Variants in CWF19L2 observed in about 807,000 individuals in gnomAD.
CWF19L2 encodes CWF19-like protein 2.
A neutral mutation model predicts 111.7 loss-of-function variants in CWF19L2; 98 were observed. That is an observed-to-expected ratio of 0.88 (90% CI 0.75 to 1.04). CWF19L2 has a LOEUF of 1.04. Among genes scored for constraint, CWF19L2 ranks in the 50% least tolerant of loss-of-function variants. The probability of loss-of-function intolerance (pLI) is 0.00; values close to 1 mark genes in which losing one functional copy is unlikely to be tolerated. For synonymous variants in CWF19L2, 351 were observed against 342.9 expected (o/e 1.02, Z -0.26); for missense variants, 1,101 against 1,051.4 (o/e 1.05, Z -0.65).
chr11:107,379,890 T>A (rs964545198), intron 12 of CWF19L2, among the ~76,000 whole-genome samples: 2 of 151,514 alleles, frequency 1.3e-5, no homozygotes, highest in African/African-American at 2.4e-5. Context: ...AAACCCCATC[T>A]CTACTAAAAA....
chr11:107,442,864 G>A, intron 4 of CWF19L2, 75 bp downstream of exon 4: 1 of 781,832 alleles, frequency 1.3e-6, no homozygotes, highest in Non-Finnish European at 2.1e-6. Flanking sequence ...GGGATAGAGA[G>A]GGAAGGAGGG....
At chr11:107,417,908 C>T (rs1417441691) in intron 9 of CWF19L2, among the ~76,000 whole-genome samples, 1 of 151,990 alleles carries the variant, frequency 6.6e-6, no homozygotes, top group Non-Finnish European at 1.5e-5. Context: ...TACAGGCATG[C>T]GCCACCACAC....
intron 10 of CWF19L2, among the ~76,000 whole-genome samples, chr11:107,413,813 G>C (rs1462780201): frequency 1.3e-5 from 2 of 152,164 alleles, no homozygotes; most frequent in Admixed American, 6.5e-5. Flanking sequence ...ATGTTAGCCT[G>C]AAGAAAATTC....
Position 107,454,554 on chromosome 11 carries a change from T to C in CWF19L2, c.235A>G (p.Lys79Glu), listed in dbSNP as rs1476889765. 2.1e-6 allele frequency: 3 copies of C among 1,456,202 alleles called. No individual in the cohort carries two copies. The highest frequency in any genetic ancestry group is 2.7e-6 in the Non-Finnish European group (3 of 1,110,476). The allele number at this position is 1,456,202 out of a possible 1,614,324, so 90.2% of individuals were successfully genotyped here. Residue 79 changes from lysine to glutamate, a missense_variant, in exon 3 of 18, where the codon AAG becomes GAG. Physicochemically the swap from Lys to Glu is moderately conservative, Grantham distance 56. Transcript: ENST00000282251. ...QFSQEHSVKK[K>E]KKKDKHSKKA... ...TTTGAATGCTTGTCTTTTTTCTTCT[T>C]TTTCTTCACAGAGTGTTCCTACAAT...
intron 12 of CWF19L2, among the ~76,000 whole-genome samples, chr11:107,360,863 G>C (rs1860318926): frequency 6.6e-6 from 1 of 152,114 alleles, no homozygotes; most frequent in South Asian, 2.1e-4. Flanking sequence ...TGAGTTCCTT[G>C]TATATTCTTG....
intron 7 of CWF19L2, among the ~76,000 whole-genome samples, chr11:107,430,702 A>AG (rs1861453582): frequency 6.6e-6 from 1 of 152,160 alleles, no homozygotes; most frequent in Non-Finnish European, 1.5e-5. Flanking sequence ...GAAAGTAGGA[A>AG]GGTGGTTACT....
intron 12 of CWF19L2, among the ~76,000 whole-genome samples, chr11:107,361,870 A>C (rs11607304): frequency 0.26 from 38,859 of 152,118 alleles, 5,390 homozygotes; most frequent in Non-Finnish European, 0.32. Context: ...CAAGCGTGAG[A>C]GACGCAGAAG....
chr11:107,358,534 T>G (rs1860273395), intron 12 of CWF19L2, among the ~76,000 whole-genome samples: 1 of 152,150 alleles, frequency 6.6e-6, no homozygotes, highest in African/African-American at 2.4e-5. Context: ...AATGAAGTAC[T>G]GATACTTGTT....
chr11:107,431,998 T>G (rs1417305951), intron 7 of CWF19L2, among the ~76,000 whole-genome samples: 1 of 152,128 alleles, frequency 6.6e-6, no homozygotes, highest in Non-Finnish European at 1.5e-5. Context: ...AGCACTCAAG[T>G]AAGTACAGCT....
chr11:107,436,414 G>C (rs1259490963), intron 6 of CWF19L2, among the ~76,000 whole-genome samples: 5 of 151,852 alleles, frequency 3.3e-5, no homozygotes, highest in African/African-American at 9.7e-5. Context: ...ACAACCAAAT[G>C]AATCTGGGCT....
chr11:107,430,493 T>A (rs188197828), intron 7 of CWF19L2, among the ~76,000 whole-genome samples: 1 of 152,146 alleles, frequency 6.6e-6, no homozygotes. Context: ...AGAGGGCATA[T>A]CACTAGCAAT....
intron 12 of CWF19L2, among the ~76,000 whole-genome samples, chr11:107,373,015 G>GA (rs531627874): frequency 0.13 from 3,871 of 30,470 alleles, 629 homozygotes; most frequent in Middle Eastern, 0.21. Flanking sequence ...GGTGACGGAC[G>GA]CACCTGGAAA....
At chr11:107,427,798 T>G (rs1254539289) in intron 8 of CWF19L2, among the ~76,000 whole-genome samples, 1 of 152,132 alleles carries the variant, frequency 6.6e-6, no homozygotes, top group Non-Finnish European at 1.5e-5. Flanking sequence ...TTCCACTTCC[T>G]GGGAGGAAAG....
chr11:107,375,108 C>A (rs1488869775), intron 12 of CWF19L2, among the ~76,000 whole-genome samples: 2 of 139,366 alleles, frequency 1.4e-5, no homozygotes, highest in Non-Finnish European at 3.1e-5. Flanking sequence ...CAGGAGCACC[C>A]AGATTCATAA....
chr11:107,437,177 C>G (rs1459681672), intron 6 of CWF19L2, among the ~76,000 whole-genome samples: 1 of 152,084 alleles, frequency 6.6e-6, no homozygotes, highest in Non-Finnish European at 1.5e-5. Context: ...TGAGTAGTCA[C>G]CATAATCCAG....
At chr11:107,352,249 C>T (rs969004636) in intron 13 of CWF19L2, among the ~76,000 whole-genome samples, 8 of 148,902 alleles carry the variant, frequency 5.4e-5, no homozygotes, top group African/African-American at 2.0e-4. Context: ...GATAACTCCA[C>T]GGTAACCTAA....
intron 2 of CWF19L2, 104 bp from the exon 3 acceptor site, chr11:107,454,676 A>C: frequency 1.3e-6 from 1 of 751,322 alleles, no homozygotes; most frequent in Non-Finnish European, 1.8e-6. Context: ...AAAACTTTCA[A>C]TCTCTGATGA....
At chr11:107,403,619 G>T in intron 10 of CWF19L2, 3 of 779,512 alleles carry the variant, frequency 3.8e-6, no homozygotes, top group Non-Finnish European at 2.4e-6. Context: ...TGTCTCCATT[G>T]GAATGTTCTC....
chr11:107,455,715 T>C lies in CWF19L2; in HGVS notation c.167A>G (p.Asp56Gly), dbSNP rs1861844040. ...ATTCACATCAGGTAGCATCCATGTA[T>C]CCTCACCCCGAAGTCGCTTAAGTTC... is the stretch of plus-strand genomic sequence containing the variant. ...RKELKRLRGE[D>G]TWMLPDVNER... The change falls in exon 2 of 18, where the codon GAT becomes GGT. Residue 56 changes from aspartate (D) to glycine (G), a missense_variant. Transcript: ENST00000282251. 1.1e-5 allele frequency: 17 copies of C among 1,551,378 alleles called. No homozygotes were observed. The highest frequency in any genetic ancestry group is 1.5e-5 in the Non-Finnish European group (17 of 1,146,814).
Sources: gnomAD v4.1 joint callset for allele counts (sites outside exome capture counted in the v4.1 genomes callset) on GRCh38, gnomAD v4.1.1 for gene constraint, MANE v1.5 for transcripts, NCBI Gene and HGNC (gene_info 2026-07-23, HGNC 2026-07-21) for gene names.